Variants in SENP2 observed in about 807,000 individuals in gnomAD.
The protein encoded by SENP2 is sentrin-specific protease 2.
SENP2 carries 16 observed loss-of-function variants against 86.3 expected under a neutral mutation model. That is an observed-to-expected ratio of 0.19 (90% CI 0.13 to 0.28). The LOEUF is 0.28. Among genes scored for constraint, SENP2 ranks in the 10% least tolerant of loss-of-function variants. The probability of loss-of-function intolerance (pLI) is 1.00; values close to 1 mark genes in which losing one functional copy is unlikely to be tolerated. For missense variants in SENP2, 552 were observed against 703.0 expected (o/e 0.79, Z 2.43); for synonymous variants, 222 against 238.7 (o/e 0.93, Z 0.64).
intron 5 of SENP2, among the ~76,000 whole-genome samples, chr3:185,603,993 C>T (rs1284813787): frequency 6.6e-6 from 1 of 152,094 alleles, no homozygotes; most frequent in African/African-American, 2.4e-5. Context: ...TGGTGGCACA[C>T]ACCTGTAATC....
chr3:185,614,455 A>C (rs1310023337), intron 10 of SENP2, 109 bp from the exon 11 acceptor site: 1 of 1,071,974 alleles, frequency 9.3e-7, no homozygotes, highest in South Asian at 1.7e-5. Context: ...GGGATTTGCT[A>C]ATTCTCTTTT....
intron 7 of SENP2, among the ~76,000 whole-genome samples, chr3:185,610,110 A>G (rs1440770198): frequency 6.6e-6 from 1 of 151,734 alleles, no homozygotes; most frequent in Non-Finnish European, 1.5e-5. Context: ...CAGAAATTAT[A>G]TAATAGCAAA....
At chr3:185,620,190 GTAGC>G (rs1404080224) in intron 13 of SENP2, among the ~76,000 whole-genome samples, 8 of 151,756 alleles carry the variant, frequency 5.3e-5, no homozygotes, top group Non-Finnish European at 1.0e-4. Flanking sequence ...AGCCTCCCAG[GTAGC>G]TGGGACTACA....
intron 13 of SENP2, among the ~76,000 whole-genome samples, chr3:185,620,439 T>G (rs1264520104): frequency 6.6e-6 from 1 of 151,898 alleles, no homozygotes; most frequent in Non-Finnish European, 1.5e-5. Context: ...AGGAGCTTTT[T>G]TTTGTTTGTT....
intron 3 of SENP2, 22 bp downstream of exon 3, chr3:185,598,567 T>G (rs781049089): frequency 3.4e-5 from 55 of 1,606,994 alleles, no homozygotes; most frequent in Middle Eastern, 1.6e-4. Flanking sequence ...TGAGACTCCA[T>G]TAGGAATACT....
intron 1 of SENP2, among the ~76,000 whole-genome samples, chr3:185,588,240 G>A (rs891051642): frequency 4.0e-5 from 6 of 150,238 alleles, no homozygotes; most frequent in East Asian, 4.0e-4. Context: ...TGTATTTTTA[G>A]TAGAGACGGG....
Position 185,632,648 on chromosome 3 carries a change from C to T in SENP2, c.*2804C>T, listed in dbSNP as rs1560206395. 6.5e-6 allele frequency: 1 copy of T among 152,810 alleles called. No individual in the cohort carries two copies. Among genetic ancestry groups the T allele is most frequent in the East Asian group, 1.9e-4 (1 of 5,182 alleles). 9.5% of individuals were successfully genotyped at this position (152,810 alleles called of 1,614,324 possible). A position where few individuals can be genotyped will look rare whatever the true frequency, so the allele number is the denominator to read the frequency against. On this transcript the variant is annotated 3_prime_UTR_variant, in exon 17 of 17. Coordinates refer to ENST00000296257, the MANE Select transcript of SENP2 (RefSeq NM_021627.3). ...CAAGCGATTCTCCTGCCTCAGCCTC[C>T]CGAGTAGCTGGGATTACAGGCATGT...
rs116462124 is a variant in SENP2 at position 185,623,412 on chromosome 3, T to C, written c.1527-586T>C. 4.5e-3 allele frequency among the ~76,000 whole-genome samples: 681 copies of C among 152,320 alleles called. 5 individuals are homozygous for C. Among genetic ancestry groups the C allele is most frequent in the African/African-American group, 0.015 (636 of 41,570 alleles). ...GCCTTGGCCTCCCAAAGTGTTGATA[T>C]ACAGGCGTGAGCCACCGCACCCGGC... On this transcript the variant is annotated intron_variant, in intron 14 of 16. Transcript: ENST00000296257.
At chr3:185,604,090 C>T (rs1722433594) in intron 5 of SENP2, among the ~76,000 whole-genome samples, 1 of 152,156 alleles carries the variant, frequency 6.6e-6, no homozygotes, top group Non-Finnish European at 1.5e-5. Flanking sequence ...CACTGCGCTC[C>T]AGCCTGGGCG....
intron 5 of SENP2, among the ~76,000 whole-genome samples, chr3:185,605,785 C>T (rs1482350079): frequency 6.6e-6 from 1 of 151,944 alleles, no homozygotes; most frequent in Non-Finnish European, 1.5e-5. Flanking sequence ...AGATTTGTCA[C>T]CAGCAGCTGT....
rs1722606846 is a variant in SENP2 at position 185,609,189 on chromosome 3, C to A, written c.619-58C>A. 4.3e-6 allele frequency: 5 copies of A among 1,175,882 alleles called. No individual in the cohort carries two copies. In the East Asian group the frequency reaches 1.2e-4, roughly 28 times the overall value. 72.8% of individuals were successfully genotyped at this position (1,175,882 alleles called of 1,614,324 possible). ...AAACACACCTATGGTTTACATTTGG[C>A]CTTTTAATTATAAATTTAATGTGCT... is the stretch of plus-strand genomic sequence containing the variant. On this transcript the variant is annotated intron_variant, in intron 6 of 16. Transcript: ENST00000296257.
Position 185,631,436 on chromosome 3 carries a change from TCCCACTCC to T in SENP2, c.*1596_*1603del, listed in dbSNP as rs1560205283. The T allele has an allele frequency of 2.0e-4, 1 of 5,106 alleles. No individual in the cohort carries two copies. The allele number at this position is 5,106 out of a possible 1,614,324, so 0.3% of individuals were successfully genotyped here. A position where few individuals can be genotyped will look rare whatever the true frequency, so the allele number is the denominator to read the frequency against. Reference sequence around the variant, plus strand: ...TTGTACCACACCTCTCCCCCCCCCCTCCCACTCCCCCTCCCTCCCTCTCCCCTCCCCCT... The same window carrying T: ...TTGTACCACACCTCTCCCCCCCCCCTCCCTCCCTCCCTCTCCCCTCCCCCT... On this transcript the variant is annotated 3_prime_UTR_variant, in exon 17 of 17. Transcript: ENST00000296257.
intron 13 of SENP2, among the ~76,000 whole-genome samples, chr3:185,619,759 G>A (rs571482400): frequency 8.6e-5 from 13 of 151,532 alleles, no homozygotes; most frequent in Admixed American, 6.6e-4. Context: ...ACCAGGTCTC[G>A]CTCTGTTGCC....
In SENP2 at chr3:185,612,664, T is replaced by G. The variant is rs1278674713; in HGVS notation, c.869+6T>G. ...TCATTGAGAAGTGAAAAGAGGTACG[T>G]ACATTCAGTTCATTCTACACTTTCT... On this transcript the variant is annotated splice_donor_region_variant and intron_variant, in intron 9 of 16. Coordinates refer to ENST00000296257, the MANE Select transcript of SENP2 (RefSeq NM_021627.3). 2 of 1,589,458 alleles carry G rather than the reference T, an allele frequency of 1.3e-6. No homozygotes were observed. The highest frequency in any genetic ancestry group is 2.7e-5 in the African/African-American group (2 of 74,454).
intron 13 of SENP2, among the ~76,000 whole-genome samples, chr3:185,621,539 G>A (rs1711890494): frequency 6.6e-6 from 1 of 151,632 alleles, no homozygotes; most frequent in South Asian, 2.1e-4. Context: ...ACAGGCGCGT[G>A]CCATCATGCC....
chr3:185,613,960 A>G (rs185128119), intron 10 of SENP2, among the ~76,000 whole-genome samples: 51 of 152,244 alleles, frequency 3.3e-4, no homozygotes, highest in Non-Finnish European at 1.2e-4. Flanking sequence ...CTCCATACCA[A>G]CATGTTACCT....
intron 4 of SENP2, among the ~76,000 whole-genome samples, chr3:185,599,250 C>A (rs1273712482): frequency 5.3e-5 from 8 of 151,854 alleles, no homozygotes; most frequent in Admixed American, 5.2e-4. Flanking sequence ...AGATCAAGGT[C>A]ATATTAAAAA....
At chr3:185,623,817 ACT>A (rs1290843583) in intron 14 of SENP2, among the ~76,000 whole-genome samples, 179 bp from the exon 15 acceptor site, 3 of 114,060 alleles carry the variant, frequency 2.6e-5, no homozygotes, top group African/African-American at 1.2e-4. Flanking sequence ...ACAGAGCGAG[ACT>A]CTGTCTCAAA....
intron 5 of SENP2, among the ~76,000 whole-genome samples, chr3:185,604,670 C>T (rs996662434): frequency 1.3e-5 from 2 of 152,132 alleles, no homozygotes; most frequent in African/African-American, 4.8e-5. Flanking sequence ...TTCTCATTCT[C>T]TCATATATAC....
Sources: gnomAD v4.1 joint callset for allele counts (sites outside exome capture counted in the v4.1 genomes callset) on GRCh38, gnomAD v4.1.1 for gene constraint, MANE v1.5 for transcripts, NCBI Gene and HGNC (gene_info 2026-07-23, HGNC 2026-07-21) for gene names.